The following RSRC1 variants were observed in gnomAD, a reference collection of about 807,000 sequenced individuals.
RSRC1 encodes arginine and serine rich coiled-coil 1, also known as serine/Arginine-related protein 53.
In RSRC1, 39 loss-of-function variants were observed where a neutral mutation model predicts 49.1. The observed-to-expected ratio is 0.79, with a 90% CI of 0.61 to 1.04. RSRC1 has a LOEUF of 1.04. Ranked by LOEUF, RSRC1 falls within the 50% of genes least tolerant of loss-of-function variation. The probability of loss-of-function intolerance (pLI) is 0.00; values close to 1 mark genes in which losing one functional copy is unlikely to be tolerated. For synonymous variants in RSRC1, 143 were observed against 130.8 expected (o/e 1.09, Z -0.63); for missense variants, 388 against 402.4 (o/e 0.96, Z 0.31).
chr3:158,328,186 A>C (rs1016944906), intron 5 of RSRC1, among the ~76,000 whole-genome samples: 4 of 152,280 alleles, frequency 2.6e-5, no homozygotes, highest in African/African-American at 7.2e-5. Flanking sequence ...CTCTTTATCC[A>C]ATTTGCCAGT....
At chr3:158,198,304 G>A (rs1450488541) in intron 3 of RSRC1, among the ~76,000 whole-genome samples, 2 of 152,042 alleles carry the variant, frequency 1.3e-5, no homozygotes, top group Admixed American at 6.6e-5. Context: ...TCAGAGACTA[G>A]GATTGCAACC....
intron 6 of RSRC1, among the ~76,000 whole-genome samples, chr3:158,421,021 C>T (rs188092887): frequency 2.0e-5 from 3 of 151,784 alleles, no homozygotes; most frequent in African/African-American, 7.2e-5. Flanking sequence ...AATATTCATT[C>T]GTTTTTTTTC....
chr3:158,387,828 A>T (rs1382625287), intron 6 of RSRC1, among the ~76,000 whole-genome samples: 1 of 152,172 alleles, frequency 6.6e-6, no homozygotes. Context: ...GATGCATAGA[A>T]TGTTTTGTGA....
intron 3 of RSRC1, among the ~76,000 whole-genome samples, chr3:158,156,484 A>T (rs2108218829): frequency 6.6e-6 from 1 of 152,324 alleles, no homozygotes; most frequent in East Asian, 1.9e-4. Context: ...CGCATTAACA[A>T]GTTAGCTAAC....
At chr3:158,183,647 T>C (rs1243432059) in intron 3 of RSRC1, among the ~76,000 whole-genome samples, 3 of 152,212 alleles carry the variant, frequency 2.0e-5, no homozygotes, top group Non-Finnish European at 4.4e-5. Context: ...CTGGGTTCGG[T>C]GGCTCATGCC....
At chr3:158,328,559 C>T (rs1423957993) in intron 5 of RSRC1, among the ~76,000 whole-genome samples, 2 of 152,142 alleles carry the variant, frequency 1.3e-5, no homozygotes, top group South Asian at 4.1e-4. Flanking sequence ...TGTATATTGG[C>T]CCCCACTCTC....
chr3:158,452,525 T>G (rs1435878692), intron 6 of RSRC1, among the ~76,000 whole-genome samples: 3 of 152,200 alleles, frequency 2.0e-5, no homozygotes, highest in Admixed American at 1.3e-4. Context: ...ATTACTGGTG[T>G]TGTGATTACA....
At chr3:158,115,850 A>G (rs2108152706) in intron 1 of RSRC1, among the ~76,000 whole-genome samples, 1 of 152,314 alleles carries the variant, frequency 6.6e-6, no homozygotes, top group East Asian at 1.9e-4. Context: ...CTTTCGTATT[A>G]CACCAAAAAT....
At chr3:158,293,166 C>T (rs1727036069) in intron 4 of RSRC1, among the ~76,000 whole-genome samples, 1 of 152,010 alleles carries the variant, frequency 6.6e-6, no homozygotes, top group African/African-American at 2.4e-5. Flanking sequence ...TGCAAACCTT[C>T]CAGATATAAA....
rs1723516025 is a variant in RSRC1 at position 158,240,593 on chromosome 3, TTC to T, written c.494+37354_494+37355del. 2.0e-5 allele frequency among the ~76,000 whole-genome samples: 3 copies of T among 152,184 alleles called. No homozygotes were observed. In the South Asian group the frequency reaches 6.2e-4, roughly 31 times the overall value. ...ATTTACGCGTAATTTTTCTTTCCTGTTCTCTCTTTCCCCAGATTTAGTATAGT... is the reference window on the plus strand; with the variant it reads ...ATTTACGCGTAATTTTTCTTTCCTGTTCTCTTTCCCCAGATTTAGTATAGT... On this transcript the variant is annotated intron_variant, in intron 4 of 9. Transcript: ENST00000611884.
chr3:158,441,007 C>G (rs1736352934), intron 6 of RSRC1, among the ~76,000 whole-genome samples: 1 of 151,960 alleles, frequency 6.6e-6, no homozygotes, highest in African/African-American at 2.4e-5. Flanking sequence ...GAAGTGAAAT[C>G]TCTTGCATGG....
At chr3:158,126,896 T>C in intron 3 of RSRC1, among the ~76,000 whole-genome samples, 1 of 151,834 alleles carries the variant, frequency 6.6e-6, no homozygotes, top group African/African-American at 2.4e-5. Flanking sequence ...GTTTTTGTTT[T>C]TGTTTTTGTT....
chr3:158,441,878 A>T (rs974264823), intron 6 of RSRC1, among the ~76,000 whole-genome samples: 7 of 152,092 alleles, frequency 4.6e-5, no homozygotes, highest in Non-Finnish European at 8.8e-5. Context: ...AGATTTAGGG[A>T]ATATACAGGC....
intron 3 of RSRC1, among the ~76,000 whole-genome samples, chr3:158,159,508 C>A (rs1289936187): frequency 6.6e-6 from 1 of 152,138 alleles, no homozygotes; most frequent in Admixed American, 6.6e-5. Context: ...GATTTATCCC[C>A]ATTTCATAGA....
chr3:158,157,017 A>G (rs1022694859), intron 3 of RSRC1, among the ~76,000 whole-genome samples: 21 of 152,228 alleles, frequency 1.4e-4, no homozygotes, highest in African/African-American at 4.6e-4. Context: ...GCAAAGGGCA[A>G]TAAAGCAGAG....
At chr3:158,264,118 A>G (rs1002092692) in intron 4 of RSRC1, among the ~76,000 whole-genome samples, 3 of 152,142 alleles carry the variant, frequency 2.0e-5, no homozygotes, top group Non-Finnish European at 2.9e-5. Context: ...TTCTTAAGGT[A>G]TAAGCTGAAA....
intron 3 of RSRC1, among the ~76,000 whole-genome samples, chr3:158,202,076 G>A (rs151110304): frequency 1.0e-3 from 156 of 152,238 alleles, no homozygotes; most frequent in African/African-American, 3.6e-3. Flanking sequence ...GTGCAGTGGT[G>A]CAATCTGGGC....
intron 3 of RSRC1, among the ~76,000 whole-genome samples, chr3:158,155,598 C>CTTTTTTTTTTTTTTTT (rs34972266): frequency 7.5e-6 from 1 of 133,958 alleles, no homozygotes; most frequent in Non-Finnish European, 1.6e-5. Flanking sequence ...AGCCTAGCTA[C>CTTTTTTTTTTTTTTTT]TTTTTTTTTT....
chr3:158,282,761 T>C (rs936016315), intron 4 of RSRC1, among the ~76,000 whole-genome samples: 1 of 152,170 alleles, frequency 6.6e-6, no homozygotes, highest in Non-Finnish European at 1.5e-5. Context: ...GGTAGATGAA[T>C]GGATGAGCAA....
Sources: allele counts gnomAD v4.1 joint callset (sites outside exome capture counted in the v4.1 genomes callset), GRCh38; gene constraint gnomAD v4.1.1; transcripts MANE v1.5; gene names NCBI Gene and HGNC (gene_info 2026-07-23, HGNC 2026-07-21).